The following TMEM247 variants were observed in gnomAD, a reference collection of about 807,000 sequenced individuals.
The protein encoded by TMEM247 is transmembrane protein 247, also known as transmembrane protein ENSP00000343375.
In TMEM247, 23 loss-of-function variants were observed where a neutral mutation model predicts 20.7. That is an observed-to-expected ratio of 1.11 (90% confidence interval 0.80 to 1.57). The LOEUF (loss-of-function observed/expected upper bound fraction) is 1.57. Among genes scored for constraint, TMEM247 ranks in the 40% most tolerant of loss-of-function variants. The probability of loss-of-function intolerance (pLI) is 0.00; values close to 1 mark genes in which losing one functional copy is unlikely to be tolerated. For missense variants in TMEM247, 354 were observed against 283.8 expected, an observed-to-expected ratio of 1.25 and a Z score of -1.78; for synonymous variants, 106 against 111.9, an observed-to-expected ratio of 0.95 and a Z score of 0.33.
chr2:46,480,616 G>A (rs549670167), exon 2 of TMEM247: 8 of 1,455,130 alleles, frequency 5.5e-6, no homozygotes, highest in African/African-American at 4.5e-5. Flanking sequence ...GAGAAGGTGC[G>A]CATGGAGTTC....
chr2:46,482,214 AC>A (rs1686903359), intron 2 of TMEM247, among the ~76,000 whole-genome samples: 1 of 152,228 alleles, frequency 6.6e-6, no homozygotes, highest in Non-Finnish European at 1.5e-5. Flanking sequence ...AGTCAAGCTT[AC>A]TGAACTTGGA....
At chr2:46,483,152 T>C (rs374330512) in intron 2 of TMEM247, among the ~76,000 whole-genome samples, 1 of 152,162 alleles carries the variant, frequency 6.6e-6, no homozygotes, top group Non-Finnish European at 1.5e-5. Context: ...ACAAATATTT[T>C]AAAAAATAAT....
intron 2 of TMEM247, among the ~76,000 whole-genome samples, chr2:46,481,862 G>A (rs1686895171): frequency 6.6e-6 from 1 of 152,148 alleles, no homozygotes; most frequent in African/African-American, 2.4e-5. Context: ...TTGTTGAGGA[G>A]GAAATGACCT....
exon 2 of TMEM247, chr2:46,480,699 C>T (rs768940112): frequency 6.4e-7 from 1 of 1,550,646 alleles, no homozygotes; most frequent in African/African-American, 1.4e-5. Context: ...GATGGAGCAG[C>T]TGCAGCGGGA....
chr2:46,484,121 C>T (rs1029280870), intron 2 of TMEM247, 123 bp from the exon 3 acceptor site: 1 of 889,218 alleles, frequency 1.1e-6, no homozygotes, highest in African/African-American at 1.7e-5. Context: ...CACTATTACC[C>T]TTTCTTTAGG....
chr2:46,482,244 G>GC (rs1204573716), intron 2 of TMEM247, among the ~76,000 whole-genome samples: 1 of 152,056 alleles, frequency 6.6e-6, no homozygotes, highest in Non-Finnish European at 1.5e-5. Context: ...ATCTTCCCCT[G>GC]CCCCCACACC....
Position 46,479,709 on chromosome 2 carries a change from G to C in TMEM247, c.117+7G>C, listed in dbSNP as rs758969713. ...GAAGCCAAGGGCTTATCTGGTAAGG[G>C]GGCTGCTGTGTCTCACCACCCCCGC... is the stretch of plus-strand genomic sequence containing the variant. On this transcript the variant is annotated splice_region_variant and intron_variant, in intron 1 of 2. Coordinates refer to ENST00000434431, the Ensembl canonical transcript of TMEM247. 6.5e-6 allele frequency: 10 copies of C among 1,540,254 alleles called. No individual in the cohort carries two copies. The highest frequency in any genetic ancestry group is 1.4e-5 in the African/African-American group (1 of 72,822).
intron 2 of TMEM247, among the ~76,000 whole-genome samples, chr2:46,482,464 T>A (rs182269675): frequency 1.3e-5 from 2 of 152,242 alleles, no homozygotes; most frequent in African/African-American, 2.4e-5. Context: ...ACCATATTTA[T>A]TTTACCCCCT....
At chr2:46,484,316 A>G (rs1316156939) in exon 3 of TMEM247, 16 of 1,552,160 alleles carry the variant, frequency 1.0e-5, no homozygotes, top group Non-Finnish European at 1.4e-5. Context: ...CTTCATCTTC[A>G]TTCACATCAT....
exon 3 of TMEM247, chr2:46,484,401 G>A (rs1344363276): frequency 2.6e-6 from 4 of 1,551,814 alleles, no homozygotes; most frequent in South Asian, 1.2e-5. Context: ...ATTTTGCTCT[G>A]TTTGATTAAA....
intron 2 of TMEM247, among the ~76,000 whole-genome samples, chr2:46,483,978 T>C (rs997560380): frequency 1.8e-4 from 27 of 152,034 alleles, no homozygotes; most frequent in African/African-American, 5.8e-4. Flanking sequence ...TTTATAGAGA[T>C]AGGGGTCTCA....
rs575393995 is a variant in TMEM247 at position 46,480,836 on chromosome 2, C to T, written c.477+72C>T. On this transcript the variant is annotated intron_variant, in intron 2 of 2. Transcript: ENST00000434431. ...GAAGTCCCATGGGGCCTGGAGCAGG[C>T]GCCCACCTTCCCTGCTTTGCGCGGC... is the stretch of plus-strand genomic sequence containing the variant. 1.4e-5 allele frequency: 21 copies of T among 1,464,938 alleles called. No individual in the cohort carries two copies. In the African/African-American group the frequency reaches 2.8e-4, roughly 20 times the overall value. 90.7% of individuals were successfully genotyped at this position (1,464,938 alleles called of 1,614,324 possible). A position where few individuals can be genotyped will look rare whatever the true frequency, so the allele number is the denominator to read the frequency against.
rs1400257862 is a variant in TMEM247 at position 46,480,647 on chromosome 2, C to T, written c.360C>T (p.Tyr120=). Residue 120 remains tyrosine (Y), a synonymous_variant, in exon 2 of 3, where the codon TAC becomes TAT. Coordinates refer to ENST00000434431, the Ensembl canonical transcript of TMEM247. ...AGTTCGAGCTCACGCGGCTCAAGTA[C>T]CTGCATGAGAAGAACCAGCGGCAGC... The T allele has an allele frequency of 3.1e-6, 4 of 1,288,118 alleles. No individual in the cohort carries two copies. In the Admixed American group the frequency reaches 9.0e-5, roughly 29 times the overall value. 79.8% of individuals were successfully genotyped at this position (1,288,118 alleles called of 1,614,324 possible).
At chr2:46,481,747 T>C (rs941430847) in intron 2 of TMEM247, among the ~76,000 whole-genome samples, 2 of 152,232 alleles carry the variant, frequency 1.3e-5, no homozygotes, top group Non-Finnish European at 2.9e-5. Flanking sequence ...ATTTATCACT[T>C]TTCAGTTTTA....
rs1009165641 is a variant in TMEM247 at position 46,484,331 on chromosome 2, G to A, written c.565G>A (p.Val189Ile). 18 of 1,552,312 alleles carry A rather than the reference G, an allele frequency of 1.2e-5. No homozygotes were observed. The East Asian group carries it at 3.4e-4, about 30-fold the overall frequency. ...CTTCATCTTCATTCACATCATCTAT[G>A]TCACCAAGGAGATGGTCTTCTTTCT... The change falls in exon 3 of 3, where the codon GTC (valine) becomes ATC (isoleucine). Residue 189 changes from valine (V) to isoleucine (I), a missense_variant. Val to Ile is a conservative substitution (Grantham distance 29). Coordinates refer to ENST00000434431, the Ensembl canonical transcript of TMEM247.
chr2:46,479,977 C>G (rs1572684255), intron 1 of TMEM247, among the ~76,000 whole-genome samples: 1 of 152,212 alleles, frequency 6.6e-6, no homozygotes, highest in South Asian at 2.1e-4. Flanking sequence ...CCACCATAGC[C>G]CTCTTCCTGG....
chr2:46,480,680 CGAGG>C lies in TMEM247; in HGVS notation c.394_397del (p.Glu132TrpfsTer2). 6.4e-7 allele frequency: 1 copy of C among 1,550,524 alleles called. No individual in the cohort carries two copies. Among genetic ancestry groups the C allele is most frequent in the Non-Finnish European group, 8.7e-7 (1 of 1,146,302 alleles). On this transcript the variant is annotated frameshift_variant, in exon 2 of 3. Transcript: ENST00000434431. LOFTEE classifies it high-confidence loss of function. The stretch of plus-strand genomic sequence containing the variant: ...AGAAGAACCAGCGGCAGCGGCAGCA[CGAGG>C]TGGTGATGGAGCAGCTGCAGCGGGA...
intron 2 of TMEM247, among the ~76,000 whole-genome samples, chr2:46,481,342 T>C (rs1423432157): frequency 6.6e-6 from 1 of 152,218 alleles, no homozygotes; most frequent in Non-Finnish European, 1.5e-5. Context: ...CACTGTTCCC[T>C]AATCTGTATT....
In TMEM247 at chr2:46,483,025, T is replaced by C. The variant is rs143523240; in HGVS notation, c.478-1219T>C. On this transcript the variant is annotated intron_variant, in intron 2 of 2. Transcript: ENST00000434431. ...CTCTTTTTCTGGGAGGGTGAATAGA[T>C]GGACGGACAGAGAGAGTGTATTGAA... Among the ~76,000 whole-genome samples, 230 of 152,320 alleles carry C rather than the reference T, an allele frequency of 1.5e-3. 1 individual carries two copies. Among genetic ancestry groups the C allele is most frequent in the African/African-American group, 5.0e-3 (207 of 41,576 alleles).
Sources: allele counts gnomAD v4.1 joint callset (sites outside exome capture counted in the v4.1 genomes callset), GRCh38; gene constraint gnomAD v4.1.1; transcripts MANE v1.5; gene names NCBI Gene and HGNC (gene_info 2026-07-23, HGNC 2026-07-21).